Variants in SNX13 observed in about 807,000 individuals in gnomAD.
The protein encoded by SNX13 is sorting nexin-13.
Under a neutral mutation model 133.6 loss-of-function variants are expected in SNX13, and 45 were observed. That is an observed-to-expected ratio of 0.34 (90% CI 0.27 to 0.43). The LOEUF is 0.43. Among genes scored for constraint, SNX13 ranks in the 20% least tolerant of loss-of-function variants. The pLI, the probability that SNX13 is intolerant of heterozygous loss-of-function variation, is 1.00. For missense variants in SNX13, 1,032 were observed against 1,145.1 expected, an observed-to-expected ratio of 0.90 and a Z score of 1.43; for synonymous variants, 414 against 373.9, an observed-to-expected ratio of 1.11 and a Z score of -1.24.
intron 11 of SNX13, among the ~76,000 whole-genome samples, chr7:17,847,107 T>C (rs1287735262): frequency 2.6e-5 from 4 of 152,158 alleles, no homozygotes; most frequent in Non-Finnish European, 4.4e-5. Context: ...CGCTGAAAGA[T>C]CACTACCTCT....
At chr7:17,922,618 T>G (rs1800247664) in intron 1 of SNX13, among the ~76,000 whole-genome samples, 1 of 152,232 alleles carries the variant, frequency 6.6e-6, no homozygotes, top group Non-Finnish European at 1.5e-5. Context: ...TTCTGATCAT[T>G]AATTGGCATC....
At chr7:17,831,180 T>G (rs1788443078) in intron 15 of SNX13, 1 of 983,890 alleles carries the variant, frequency 1.0e-6, no homozygotes, top group South Asian at 4.7e-5. Flanking sequence ...TGATCAACAA[T>G]AAGAAGATCC....
At position 17,794,269 on chromosome 7, in the gene SNX13, C is replaced by G; in HGVS notation, c.2650G>C (p.Ala884Pro). 6.2e-7 allele frequency: 1 copy of G among 1,610,868 alleles called. No homozygotes were observed. Among genetic ancestry groups the G allele is most frequent in the Non-Finnish European group, 8.5e-7 (1 of 1,178,128 alleles). Reference protein sequence around the residue: ...MPDELKHIIGAETTRKGILRV... With the variant: ...MPDELKHIIGPETTRKGILRV... ...AGAATACCTTTCCGTGTTGTCTCAGCCCCAATAATGTGCTTCAGCTCATCT... is the reference window on the plus strand; with the variant it reads ...AGAATACCTTTCCGTGTTGTCTCAGGCCCAATAATGTGCTTCAGCTCATCT... The change falls in exon 26 of 26, where the codon GCT becomes CCT. Residue 884 changes from alanine (A) to proline (P), a missense_variant. By Grantham distance (27) the Ala-to-Pro change is conservative (BLOSUM62 -1). Transcript: ENST00000428135.
rs1302114116 is a variant in SNX13, at chr7:17,940,483, T to C, written c.-188A>G. 2.8e-6 allele frequency: 2 copies of C among 724,850 alleles called. No individual in the cohort carries two copies. Among genetic ancestry groups the C allele is most frequent in the Non-Finnish European group, 4.9e-6 (2 of 406,236 alleles). The allele number at this position is 724,850 out of a possible 1,614,324, so 44.9% of individuals were successfully genotyped here. A position where few individuals can be genotyped will look rare whatever the true frequency, so the allele number is the denominator to read the frequency against. Reference sequence around the variant, plus strand: ...GTCGCTCGCGACGGACGCGCCGCCATCTTGGAAGAGCGACGTCCGCGTCTC... The same window carrying C: ...GTCGCTCGCGACGGACGCGCCGCCACCTTGGAAGAGCGACGTCCGCGTCTC... On this transcript the variant is annotated 5_prime_UTR_variant, in exon 1 of 26. An upstream start codon of the reference 5' UTR is lost. Coordinates refer to ENST00000428135, the MANE Select transcript of SNX13 (RefSeq NM_015132.5).
At chr7:17,905,061 C>T (rs1283506839) in intron 1 of SNX13, among the ~76,000 whole-genome samples, 2 of 152,132 alleles carry the variant, frequency 1.3e-5, no homozygotes, top group Non-Finnish European at 2.9e-5. Flanking sequence ...GGCAAAGGAC[C>T]TTAAAGTGTT....
At chr7:17,923,245 T>C (rs73069224) in intron 1 of SNX13, among the ~76,000 whole-genome samples, 8,361 of 152,262 alleles carry the variant, frequency 0.055, 266 homozygotes, top group South Asian at 0.1. Flanking sequence ...CAAATTGTGG[T>C]AATAATCAGG....
At chr7:17,887,163 T>A (rs1043272797) in intron 5 of SNX13, among the ~76,000 whole-genome samples, 1 of 152,210 alleles carries the variant, frequency 6.6e-6, no homozygotes, top group Non-Finnish European at 1.5e-5. Context: ...ACTAAATGTT[T>A]CACCCACATC....
chr7:17,822,223 C>T (rs369107699), intron 17 of SNX13, among the ~76,000 whole-genome samples: 1 of 151,238 alleles, frequency 6.6e-6, no homozygotes, highest in Admixed American at 6.6e-5. Flanking sequence ...AAAGCATTTT[C>T]GCATTACTTT....
At chr7:17,930,536 G>A (rs1801279731) in intron 1 of SNX13, among the ~76,000 whole-genome samples, 1 of 152,134 alleles carries the variant, frequency 6.6e-6, no homozygotes, top group Non-Finnish European at 1.5e-5. Context: ...CTGAGCTGCT[G>A]TTATTAATTT....
chr7:17,813,587 C>CTTTTT (rs1013139810), intron 20 of SNX13, among the ~76,000 whole-genome samples: 1 of 138,442 alleles, frequency 7.2e-6, no homozygotes, highest in Non-Finnish European at 1.6e-5. Flanking sequence ...ATATGAACTC[C>CTTTTT]TTTTTTTTTT....
intron 12 of SNX13, among the ~76,000 whole-genome samples, chr7:17,841,580 A>ACACACG (rs774602771): frequency 6.6e-6 from 1 of 151,274 alleles, no homozygotes; most frequent in Non-Finnish European, 1.5e-5. Context: ...ACACACACAC[A>ACACACG]CACGCACACA....
At chr7:17,866,200 G>C (rs1374898359) in intron 9 of SNX13, among the ~76,000 whole-genome samples, 1 of 150,868 alleles carries the variant, frequency 6.6e-6, no homozygotes, top group African/African-American at 2.4e-5. Context: ...AAAGGCAAGA[G>C]ACAATCCACA....
Position 17,820,673 on chromosome 7 carries a change from A to C in SNX13, c.1845+836T>G, listed in dbSNP as rs1043873626. Among the ~76,000 whole-genome samples the C allele has an allele frequency of 2.6e-5, 4 of 152,270 alleles. No individual in the cohort carries two copies. In the South Asian group the frequency reaches 8.3e-4, roughly 32 times the overall value. ...CAACTATATATTTTCCACTATATTA[A>C]GTTGAAAAAGATAATTTCTGATTTC... On this transcript the variant is annotated intron_variant, in intron 18 of 25. Coordinates refer to ENST00000428135, the MANE Select transcript of SNX13 (RefSeq NM_015132.5).
At chr7:17,848,187 T>C (rs944807187) in intron 11 of SNX13, among the ~76,000 whole-genome samples, 4 of 152,110 alleles carry the variant, frequency 2.6e-5, no homozygotes, top group Admixed American at 2.0e-4. Flanking sequence ...AGGGACAGCT[T>C]GATGGCATAA....
At chr7:17,894,223 A>G (rs2127996078) in intron 2 of SNX13, among the ~76,000 whole-genome samples, 1 of 152,022 alleles carries the variant, frequency 6.6e-6, no homozygotes, top group East Asian at 1.9e-4. Flanking sequence ...AAATTGCTTG[A>G]ACCGGGGAGG....
rs1270338038 is a variant in SNX13, at chr7:17,875,577, T to C, written c.567A>G (p.Thr189=). 2 of 1,611,060 alleles carry C rather than the reference T, an allele frequency of 1.2e-6. No individual in the cohort carries two copies. The highest frequency in any genetic ancestry group is 1.7e-6 in the Non-Finnish European group (2 of 1,179,346). Residue 189 remains threonine, a synonymous_variant, in exon 7 of 26, where the codon ACA becomes ACG. Coordinates refer to ENST00000428135, the MANE Select transcript of SNX13 (RefSeq NM_015132.5). The part of the protein sequence containing the change: ...ITEKDDQVKG[T]AEDLVDTFFE... ...AGAAGGTATCTACAAGATCTTCTGC[T>C]GTACCTAAAGAAAAACAATTCAAGA...
intron 20 of SNX13, among the ~76,000 whole-genome samples, chr7:17,812,425 G>C (rs1786158025): frequency 6.6e-6 from 1 of 152,176 alleles, no homozygotes; most frequent in Non-Finnish European, 1.5e-5. Context: ...TTAGAGAAAT[G>C]CATATCAAAC....
Position 17,886,156 on chromosome 7 carries a change from T to C in SNX13, c.440+4207A>G, listed in dbSNP as rs1795960062. On this transcript the variant is annotated intron_variant, in intron 5 of 25. Transcript: ENST00000428135. The stretch of plus-strand genomic sequence containing the variant: ...TAAAACTTCAAGAACACATTCCCTA[T>C]CATTCCCTGTGATACTATATCATTA... Among the ~76,000 whole-genome samples the C allele has an allele frequency of 3.3e-5, 5 of 152,164 alleles. No individual in the cohort carries two copies. In the South Asian group the frequency reaches 1.0e-3, roughly 31 times the overall value.
intron 1 of SNX13, among the ~76,000 whole-genome samples, chr7:17,920,611 A>T (rs1398212415): frequency 6.6e-6 from 1 of 152,224 alleles, no homozygotes; most frequent in East Asian, 1.9e-4. Flanking sequence ...AGTTGCAGTT[A>T]ACCCATTTAT....
Sources: gnomAD v4.1 joint callset for allele counts (sites outside exome capture counted in the v4.1 genomes callset) on GRCh38, gnomAD v4.1.1 for gene constraint, MANE v1.5 for transcripts, NCBI Gene and HGNC (gene_info 2026-07-23, HGNC 2026-07-21) for gene names.